Variants in GALNTL6 observed in about 807,000 individuals in gnomAD.
GALNTL6 encodes the protein polypeptide N-acetylgalactosaminyltransferase like 6.
Under a neutral mutation model 73.7 loss-of-function variants are expected in GALNTL6, and 46 were observed. That is an observed-to-expected ratio of 0.62 (90% CI 0.49 to 0.80). The LOEUF is 0.80. Ranked by LOEUF, GALNTL6 falls within the 30% of genes least tolerant of loss-of-function variation. The pLI, the probability that GALNTL6 is intolerant of heterozygous loss-of-function variation, is 0.00. For missense variants in GALNTL6, 604 were observed against 755.0 expected (o/e 0.80, Z 2.34); for synonymous variants, 259 against 263.7 (o/e 0.98, Z 0.17).
intron 5 of GALNTL6, among the ~76,000 whole-genome samples, chr4:172,459,881 G>A (rs1272118844): frequency 1.3e-5 from 2 of 151,920 alleles, no homozygotes; most frequent in African/African-American, 4.8e-5. Context: ...TTTCATATGA[G>A]ACCAAAAAAG....
chr4:172,882,554 T>A (rs1299300576), intron 7 of GALNTL6, among the ~76,000 whole-genome samples: 1 of 152,192 alleles, frequency 6.6e-6, no homozygotes, highest in African/African-American at 2.4e-5. Flanking sequence ...AATTGTTGCA[T>A]TAAAACCTGA....
At chr4:172,052,368 C>A in intron 2 of GALNTL6, 1 of 1,071,438 alleles carries the variant, frequency 9.3e-7, no homozygotes, top group Non-Finnish European at 1.4e-6. Context: ...CCTTGAAGAC[C>A]TATGCACACC....
chr4:172,595,819 CTT>C (rs1737828825), intron 5 of GALNTL6, among the ~76,000 whole-genome samples: 1 of 152,060 alleles, frequency 6.6e-6, no homozygotes, highest in South Asian at 2.1e-4. Flanking sequence ...GAATGACAAA[CTT>C]GGGATCCAAA....
At chr4:172,879,276 A>G (rs947714028) in intron 7 of GALNTL6, among the ~76,000 whole-genome samples, 8 of 151,896 alleles carry the variant, frequency 5.3e-5, no homozygotes, top group Admixed American at 4.6e-4. Flanking sequence ...AACCAACTTG[A>G]CCTAATAAAT....
At chr4:172,776,258 A>T (rs1320432782) in intron 5 of GALNTL6, among the ~76,000 whole-genome samples, 2 of 152,220 alleles carry the variant, frequency 1.3e-5, no homozygotes, top group Non-Finnish European at 2.9e-5. Flanking sequence ...TTCGGGAGTA[A>T]CCTGGTGTTT....
intron 3 of GALNTL6, among the ~76,000 whole-genome samples, chr4:172,235,240 C>T (rs1737201853): frequency 6.6e-6 from 1 of 151,966 alleles, no homozygotes; most frequent in Non-Finnish European, 1.5e-5. Flanking sequence ...TAGAATTTCA[C>T]TCTGTTGCCC....
intron 5 of GALNTL6, among the ~76,000 whole-genome samples, chr4:172,358,689 T>C (rs1428155292): frequency 6.6e-6 from 1 of 152,054 alleles, no homozygotes; most frequent in Non-Finnish European, 1.5e-5. Flanking sequence ...CTTTTAACCA[T>C]GAATAATAAT....
At chr4:172,056,689 T>C (rs909765004) in intron 2 of GALNTL6, among the ~76,000 whole-genome samples, 1 of 151,946 alleles carries the variant, frequency 6.6e-6, no homozygotes, top group Non-Finnish European at 1.5e-5. Context: ...TTTAATAATA[T>C]AGTTATTTAA....
At chr4:172,377,504 G>A (rs538954131) in intron 5 of GALNTL6, among the ~76,000 whole-genome samples, 1 of 152,180 alleles carries the variant, frequency 6.6e-6, no homozygotes, top group Non-Finnish European at 1.5e-5. Context: ...GGCCATGGGC[G>A]GAGCTGCCCA....
At chr4:171,878,576 G>T (rs1736343570) in intron 2 of GALNTL6, among the ~76,000 whole-genome samples, 1 of 151,798 alleles carries the variant, frequency 6.6e-6, no homozygotes. Flanking sequence ...CTTCCTTCAT[G>T]TATATTATTT....
chr4:172,161,206 G>T (rs1365827803), intron 2 of GALNTL6, among the ~76,000 whole-genome samples: 1 of 151,894 alleles, frequency 6.6e-6, no homozygotes, highest in African/African-American at 2.4e-5. Flanking sequence ...GGTCTCTTAT[G>T]TAACCACCAT....
chr4:172,792,341 A>G (rs1432578076), intron 5 of GALNTL6, among the ~76,000 whole-genome samples: 1 of 46,914 alleles, frequency 2.1e-5, no homozygotes, highest in Non-Finnish European at 4.6e-5. Context: ...ATGTATATAT[A>G]TACACGTGTG....
intron 2 of GALNTL6, among the ~76,000 whole-genome samples, chr4:172,129,966 A>G (rs1163952922): frequency 6.6e-6 from 1 of 152,166 alleles, no homozygotes; most frequent in Non-Finnish European, 1.5e-5. Context: ...AGAGAAAATT[A>G]TATTTATTCA....
At chr4:172,543,232 A>T (rs1221979424) in intron 5 of GALNTL6, among the ~76,000 whole-genome samples, 1 of 152,256 alleles carries the variant, frequency 6.6e-6, no homozygotes, top group Non-Finnish European at 1.5e-5. Flanking sequence ...ACAACCAATT[A>T]CGTGCACATG....
chr4:172,102,938 G>A (rs903511132), intron 2 of GALNTL6, among the ~76,000 whole-genome samples: 7 of 152,110 alleles, frequency 4.6e-5, no homozygotes, highest in Non-Finnish European at 8.8e-5. Context: ...TTATTGAGTT[G>A]GAGTGATGGG....
intron 2 of GALNTL6, among the ~76,000 whole-genome samples, chr4:172,111,396 T>C (rs187346588): frequency 1.3e-5 from 2 of 152,156 alleles, no homozygotes; most frequent in East Asian, 3.9e-4. Context: ...TTCTTTTAGA[T>C]TTCTGATAAA....
chr4:172,585,519 T>C (rs1370603386), intron 5 of GALNTL6, among the ~76,000 whole-genome samples: 1 of 152,206 alleles, frequency 6.6e-6, no homozygotes, highest in Non-Finnish European at 1.5e-5. Context: ...TGGTTTTCTG[T>C]TCCTGTATTA....
intron 3 of GALNTL6, among the ~76,000 whole-genome samples, chr4:172,256,260 A>T (rs966764286): frequency 6.6e-6 from 1 of 151,262 alleles, no homozygotes; most frequent in Non-Finnish European, 1.5e-5. Context: ...CTGCAACTAC[A>T]TAGTAAATGT....
intron 2 of GALNTL6, among the ~76,000 whole-genome samples, chr4:172,099,778 C>T (rs1046046749): frequency 6.6e-6 from 1 of 152,078 alleles, no homozygotes; most frequent in Non-Finnish European, 1.5e-5. Flanking sequence ...TTATCAGTTA[C>T]GTTGGTTAGA....
Sources: allele counts gnomAD v4.1 joint callset (sites outside exome capture counted in the v4.1 genomes callset), GRCh38; gene constraint gnomAD v4.1.1; transcripts MANE v1.5; gene names NCBI Gene and HGNC (gene_info 2026-07-23, HGNC 2026-07-21).